CD180: variants seen among roughly 807,000 people sequenced by gnomAD.
CD180 encodes the protein CD180 antigen.
Under a neutral mutation model 10.7 loss-of-function variants are expected in CD180, and 11 were observed. The observed-to-expected ratio is 1.03, with a 90% CI of 0.65 to 1.70. The LOEUF (loss-of-function observed/expected upper bound fraction) is 1.70. CD180 is among the 40% of genes most tolerant of loss of function. The probability of loss-of-function intolerance (pLI) is 0.00; values close to 1 mark genes in which losing one functional copy is unlikely to be tolerated. For missense variants in CD180, 729 were observed against 775.2 expected (o/e 0.94, Z 0.71); for synonymous variants, 286 against 294.6 (o/e 0.97, Z 0.30).
In CD180 at chr5:67,185,481, G is replaced by A. The variant is rs553995916; in HGVS notation, c.257+370C>T. 7.2e-5 allele frequency among the ~76,000 whole-genome samples: 11 copies of A among 152,138 alleles called. No individual in the cohort carries two copies. In the South Asian group the frequency reaches 2.3e-3, roughly 32 times the overall value. Reference sequence around the variant, plus strand: ...CAATTTGTAGGGGGGAAAAGTAGATGGTGTGCTTTTCTCCTAGAAATTTTT... The same window carrying A: ...CAATTTGTAGGGGGGAAAAGTAGATAGTGTGCTTTTCTCCTAGAAATTTTT... On this transcript the variant is annotated intron_variant, in intron 2 of 2. Transcript: ENST00000256447.
At chr5:67,192,636 C>G (rs1044457893) in intron 1 of CD180, among the ~76,000 whole-genome samples, 1 of 152,034 alleles carries the variant, frequency 6.6e-6, no homozygotes, top group South Asian at 2.1e-4. Context: ...ATGACCAGAT[C>G]TCAGGCTCAG....
At chr5:67,194,035 C>A (rs1243094057) in intron 1 of CD180, among the ~76,000 whole-genome samples, 1 of 152,144 alleles carries the variant, frequency 6.6e-6, no homozygotes, top group Non-Finnish European at 1.5e-5. Flanking sequence ...CTGAAACCAC[C>A]TTTGCAAAAT....
chr5:67,187,425 C>T (rs1360736423), intron 1 of CD180, among the ~76,000 whole-genome samples: 3 of 152,142 alleles, frequency 2.0e-5, no homozygotes, highest in African/African-American at 7.2e-5. Flanking sequence ...GCTGCTGATA[C>T]CAGACAGTAG....
Position 67,183,710 on chromosome 5 carries a change from C to T in CD180, c.1133G>A (p.Ser378Asn). 1 of 1,614,142 alleles carries T rather than the reference C, an allele frequency of 6.2e-7. No individual in the cohort carries two copies. The highest frequency in any genetic ancestry group is 8.5e-7 in the Non-Finnish European group (1 of 1,180,026). The change falls in exon 3 of 3, where the codon AGC (serine) becomes AAC (asparagine). Residue 378 changes from serine (S) to asparagine (N), a missense_variant. By Grantham distance (46) the Ser-to-Asn change is conservative. Coordinates refer to ENST00000256447, the MANE Select transcript of CD180 (RefSeq NM_005582.3). ...GTCAGAAGCCTCTATGTCATTATGG[C>T]TTAAATCAAGTGTCTGAAGGTTTCC... ...KLGNLQTLDL[S>N]HNDIEASDCC...
intron 2 of CD180, among the ~76,000 whole-genome samples, chr5:67,185,472 A>C (rs1742173821): frequency 6.6e-6 from 1 of 152,220 alleles, no homozygotes; most frequent in Non-Finnish European, 1.5e-5. Flanking sequence ...GTAGGGGGGA[A>C]AAGTAGATGG....
At position 67,196,630 on chromosome 5, in the gene CD180, G is replaced by A. The variant is rs758826950; in HGVS notation, c.12C>T (p.Asp4=). ...GCACCACCCAAAAGAAGCAGCTGACGTCAAACGCCATCACAGGCTAGGATT... is the reference window on the plus strand; with the variant it reads ...GCACCACCCAAAAGAAGCAGCTGACATCAAACGCCATCACAGGCTAGGATT... MAF[D]VSCFFWVVLF... The change falls in exon 1 of 3, where the codon GAC becomes GAT. Residue 4 remains aspartate, a synonymous_variant. Transcript: ENST00000256447. The A allele has an allele frequency of 3.8e-5, 61 of 1,613,756 alleles. No individual in the cohort carries two copies. The highest frequency in any genetic ancestry group is 8.9e-5 in the East Asian group (4 of 44,884).
chr5:67,191,981 A>C (rs1180468685), intron 1 of CD180, among the ~76,000 whole-genome samples: 1 of 152,250 alleles, frequency 6.6e-6, no homozygotes, highest in African/African-American at 2.4e-5. Flanking sequence ...AAAACAATAA[A>C]GCTTCTAGAA....
intron 2 of CD180, among the ~76,000 whole-genome samples, chr5:67,185,502 T>G (rs1742175624): frequency 1.3e-5 from 2 of 152,190 alleles, no homozygotes; most frequent in Non-Finnish European, 2.9e-5. Context: ...CTCCTAGAAA[T>G]TTTTCTTAAA....
Position 67,182,898 on chromosome 5 carries a change from C to CA in CD180, c.1944dup (p.Ala649CysfsTer3), listed in dbSNP as rs1742083326. 1 of 1,612,090 alleles carries CA rather than the reference C, an allele frequency of 6.2e-7. No homozygotes were observed. The highest frequency in any genetic ancestry group is 8.5e-7 in the Non-Finnish European group (1 of 1,179,046). The stretch of plus-strand genomic sequence containing the variant: ...TTCCACCTGAGAAGGTATTTAACTG[C>CA]AAAAAATAGCAGAATAGCCAACAAT... On this transcript the variant is annotated frameshift_variant, in exon 3 of 3. Coordinates refer to ENST00000256447, the MANE Select transcript of CD180 (RefSeq NM_005582.3). LOFTEE classifies it high-confidence loss of function.
chr5:67,186,644 A>G (rs2151166746), intron 1 of CD180, among the ~76,000 whole-genome samples: 1 of 152,308 alleles, frequency 6.6e-6, no homozygotes, highest in South Asian at 2.1e-4. Flanking sequence ...GACCTTAGAT[A>G]AGCATCACCA....
At chr5:67,196,411 A>G (rs1742404806) in intron 1 of CD180, 141 bp downstream of exon 1, 1 of 705,098 alleles carries the variant, frequency 1.4e-6, no homozygotes, top group Non-Finnish European at 2.3e-6. Context: ...TTCTCACAAT[A>G]ATGAAAAAAT....
Position 67,182,731 on chromosome 5 carries a change from T to C in CD180, c.*126A>G. ...GAGTAAGAAGCTCAGAAAAGCACAG[T>C]GAGTCCCTGCCCAGTTCCAGGAAGC... On this transcript the variant is annotated 3_prime_UTR_variant, in exon 3 of 3. Transcript: ENST00000256447. 1.4e-6 allele frequency: 1 copy of C among 717,166 alleles called. No homozygotes were observed. The allele number at this position is 717,166 out of a possible 1,614,324, so 44.4% of individuals were successfully genotyped here. A position where few individuals can be genotyped will look rare whatever the true frequency, so the allele number is the denominator to read the frequency against.
At position 67,183,252 on chromosome 5, in the gene CD180, T is replaced by G; in HGVS notation, c.1591A>C (p.Ser531Arg). ...GAATCAATGCTGTCGCATGTCAGGC[T>G]GTTGTGGCTTAAGTCTACATGGCTC... ...KMSHVDLSHN[S>R]LTCDSIDSLS... Residue 531 changes from serine (S) to arginine (R), a missense_variant, in exon 3 of 3, where the codon AGC becomes CGC. Physicochemically the swap from Ser to Arg is moderately radical, Grantham distance 110. Transcript: ENST00000256447. 1 of 1,614,160 alleles carries G rather than the reference T, an allele frequency of 6.2e-7. No homozygotes were observed. Among genetic ancestry groups the G allele is most frequent in the Non-Finnish European group, 8.5e-7 (1 of 1,180,014 alleles).
intron 1 of CD180, among the ~76,000 whole-genome samples, chr5:67,194,579 C>T (rs1742366118): frequency 6.6e-6 from 1 of 152,200 alleles, no homozygotes. Context: ...ATCTCCAAGA[C>T]TTTGGAGTGA....
chr5:67,186,024 G>T lies in CD180; in HGVS notation c.91-7C>A, dbSNP rs768888493. The T allele has an allele frequency of 6.5e-7, 1 of 1,542,844 alleles. No individual in the cohort carries two copies. The highest frequency in any genetic ancestry group is 8.8e-7 in the Non-Finnish European group (1 of 1,140,320). On this transcript the variant is annotated splice_region_variant and splice_polypyrimidine_tract_variant and intron_variant, in intron 1 of 2. Coordinates refer to ENST00000256447, the MANE Select transcript of CD180 (RefSeq NM_005582.3). ...ATGTTTTGTTGGCTTCTTTCTGATG[G>T]GAGAAACAAAGTAAATTAATATTAG...
chr5:67,186,846 A>G (rs1049101811), intron 1 of CD180, among the ~76,000 whole-genome samples: 9 of 101,202 alleles, frequency 8.9e-5, no homozygotes, highest in Non-Finnish European at 1.7e-4. Flanking sequence ...ACTTTGTTCT[A>G]TCTGTGTGTG....
At position 67,183,652 on chromosome 5, in the gene CD180, G is replaced by A. The variant is rs1309134564; in HGVS notation, c.1191C>T (p.His397=). The A allele has an allele frequency of 6.2e-7, 1 of 1,614,188 alleles. No homozygotes were observed. The highest frequency in any genetic ancestry group is 8.5e-7 in the Non-Finnish European group (1 of 1,180,030). Residue 397 remains histidine, a synonymous_variant, in exon 3 of 3, where the codon CAC becomes CAT. Coordinates refer to ENST00000256447, the MANE Select transcript of CD180 (RefSeq NM_005582.3). Reference sequence around the variant, plus strand: ...TGTGGCTCAGGTTTAAGGTTTGCAAGTGGGACAGGTTTTTGAGTTGCAGAC... The same window carrying A: ...TGTGGCTCAGGTTTAAGGTTTGCAAATGGGACAGGTTTTTGAGTTGCAGAC... ...CCSLQLKNLS[H]LQTLNLSHNE...
intron 1 of CD180, 120 bp downstream of exon 1, chr5:67,196,432 C>A (rs1275681189): frequency 7.9e-6 from 7 of 883,086 alleles, no homozygotes; most frequent in Non-Finnish European, 8.8e-6. Context: ...TATATATACA[C>A]CTTATTTCCT....
intron 2 of CD180, 42 bp downstream of exon 2, chr5:67,185,809 T>A: frequency 6.8e-7 from 1 of 1,461,096 alleles, no homozygotes; most frequent in Non-Finnish European, 9.2e-7. Context: ...GTATTTTAAC[T>A]TAAATAAAAT....
Sources: gnomAD v4.1 joint callset for allele counts (sites outside exome capture counted in the v4.1 genomes callset) on GRCh38, gnomAD v4.1.1 for gene constraint, MANE v1.5 for transcripts, NCBI Gene and HGNC (gene_info 2026-07-23, HGNC 2026-07-21) for gene names.